AEBP2: variants seen among roughly 807,000 people sequenced by gnomAD.
AEBP2 encodes the protein zinc finger protein AEBP2.
In AEBP2, 10 loss-of-function variants were observed where a neutral mutation model predicts 50.8. That is an observed-to-expected ratio of 0.20 (90% CI 0.12 to 0.33). The LOEUF (loss-of-function observed/expected upper bound fraction) is 0.33, where lower values mean the gene tolerates loss of function less well. AEBP2 is among the 10% of genes least tolerant of loss of function. The pLI, the probability that AEBP2 is intolerant of heterozygous loss-of-function variation, is 1.00. For synonymous variants in AEBP2, 296 were observed against 261.3 expected, an observed-to-expected ratio of 1.13 and a Z score of -1.28; for missense variants, 570 against 688.0, an observed-to-expected ratio of 0.83 and a Z score of 1.92.
At chr12:19,433,947 A>AGCC (rs1168933033) in intron 1 of AEBP2, among the ~76,000 whole-genome samples, 1 of 151,924 alleles carries the variant, frequency 6.6e-6, no homozygotes, top group Non-Finnish European at 1.5e-5. Flanking sequence ...CCTGGGTTCA[A>AGCC]GTGATTCCTC....
At chr12:19,489,068 C>T (rs909978418) in intron 3 of AEBP2, among the ~76,000 whole-genome samples, 3 of 152,146 alleles carry the variant, frequency 2.0e-5, no homozygotes, top group African/African-American at 2.4e-5. Flanking sequence ...GGATTACAGG[C>T]GTGAGCCACC....
At chr12:19,461,352 A>G (rs1002169453) in intron 1 of AEBP2, among the ~76,000 whole-genome samples, 2 of 152,198 alleles carry the variant, frequency 1.3e-5, no homozygotes, top group African/African-American at 2.4e-5. Flanking sequence ...AGTGTGATAC[A>G]TTTTATTAAG....
intron 1 of AEBP2, among the ~76,000 whole-genome samples, chr12:19,430,699 T>C (rs2095750976): frequency 6.6e-6 from 1 of 152,154 alleles, no homozygotes; most frequent in South Asian, 2.1e-4. Flanking sequence ...TCACATCCCT[T>C]GTAAGTTGGA....
chr12:19,445,605 A>G (rs1409390196), intron 1 of AEBP2, among the ~76,000 whole-genome samples: 2 of 152,220 alleles, frequency 1.3e-5, no homozygotes, highest in Non-Finnish European at 2.9e-5. Flanking sequence ...CACTGCACAA[A>G]TGAATTGATA....
chr12:19,450,699 T>C (rs1165415656), intron 1 of AEBP2, among the ~76,000 whole-genome samples: 2 of 145,772 alleles, frequency 1.4e-5, no homozygotes, highest in Non-Finnish European at 3.0e-5. Flanking sequence ...AAAAGACAGA[T>C]GTAGTGGTGG....
chr12:19,491,902 A>T (rs867736329), intron 3 of AEBP2, among the ~76,000 whole-genome samples: 1 of 152,230 alleles, frequency 6.6e-6, no homozygotes, highest in Non-Finnish European at 1.5e-5. Context: ...AGGGAGAATT[A>T]GCTCTTGTCC....
rs1486050468 is a variant in AEBP2 at position 19,470,167 on chromosome 12, T to TC, written c.880-3081_880-3080insC. On this transcript the variant is annotated intron_variant, in intron 2 of 7. Transcript: ENST00000266508. ...TTTTTGTGGATCTTTCTTTTTTCTT[T>TC]TTTTTTTTTAAGACGGAGTTTTGCT... Among the ~76,000 whole-genome samples, 3 of 151,792 alleles carry TC rather than the reference T, an allele frequency of 2.0e-5. No individual in the cohort carries two copies. The East Asian group carries it at 5.8e-4, about 29-fold the overall frequency.
At chr12:19,517,127 G>A (rs1158995717) in intron 7 of AEBP2, among the ~76,000 whole-genome samples, 1 of 152,178 alleles carries the variant, frequency 6.6e-6, no homozygotes, top group Non-Finnish European at 1.5e-5. Context: ...GTGGCATAGA[G>A]TCATAGAAGC....
chr12:19,477,960 A>G (rs961934788), intron 3 of AEBP2, among the ~76,000 whole-genome samples: 7 of 152,018 alleles, frequency 4.6e-5, no homozygotes, highest in South Asian at 2.1e-4. Flanking sequence ...TACATTTTCT[A>G]CTTCGTGCAT....
Position 19,439,840 on chromosome 12 carries a change from GGAGGCGGAGGCC to G in AEBP2, c.149_160del (p.Glu50_Ala53del). On this transcript the variant is annotated inframe_deletion, in exon 1 of 8. Transcript: ENST00000266508. ...AGGAGGAAGAGGAGGAGGAGGAAGAGGAGGCGGAGGCCGAGGCGGTGGCGGCGCTGCTGCTGA... is the reference window on the plus strand; with the variant it reads ...AGGAGGAAGAGGAGGAGGAGGAAGAGGAGGCGGTGGCGGCGCTGCTGCTGA... 1 of 1,497,186 alleles carries G rather than the reference GGAGGCGGAGGCC, an allele frequency of 6.7e-7. No homozygotes were observed. The highest frequency in any genetic ancestry group is 1.5e-5 in the African/African-American group (1 of 68,722). 92.7% of individuals were successfully genotyped at this position (1,497,186 alleles called of 1,614,324 possible).
rs186471513 is a variant in AEBP2 at position 19,520,655 on chromosome 12, C to T, written c.*2538C>T. The T allele has an allele frequency of 4.6e-5, 7 of 152,252 alleles. No individual in the cohort carries two copies. Among genetic ancestry groups the T allele is most frequent in the Non-Finnish European group, 1.0e-4 (7 of 68,012 alleles). The allele number at this position is 152,252 out of a possible 1,614,324, so 9.4% of individuals were successfully genotyped here. On this transcript the variant is annotated 3_prime_UTR_variant, in exon 8 of 8. Coordinates refer to ENST00000266508, the MANE Select transcript of AEBP2 (RefSeq NM_153207.5). The stretch of plus-strand genomic sequence containing the variant: ...TGTTGTCCAGAATTTATGTATTGTT[C>T]AGCATCAAGCAAACTACAGCTCACA...
intron 4 of AEBP2, 107 bp downstream of exon 4, chr12:19,494,093 A>C: frequency 8.1e-7 from 1 of 1,239,692 alleles, no homozygotes; most frequent in East Asian, 2.6e-5. Context: ...ATTAAAAGTA[A>C]CAAACAGGTA....
intron 2 of AEBP2, 78 bp downstream of exon 2, chr12:19,462,795 T>G: frequency 7.6e-7 from 1 of 1,318,474 alleles, no homozygotes; most frequent in East Asian, 2.5e-5. Flanking sequence ...TAGGCTTTTT[T>G]GCTGAAAGTA....
intron 5 of AEBP2, among the ~76,000 whole-genome samples, chr12:19,508,410 G>T (rs762385819): frequency 3.3e-5 from 5 of 152,036 alleles, no homozygotes; most frequent in Non-Finnish European, 7.4e-5. Context: ...TTTGCTTAAA[G>T]CTCTGCTTTT....
chr12:19,510,437 A>G (rs1030732158), intron 5 of AEBP2, among the ~76,000 whole-genome samples: 2 of 152,216 alleles, frequency 1.3e-5, no homozygotes, highest in East Asian at 1.9e-4. Flanking sequence ...GACACGGCAT[A>G]TGCCAGGCAG....
chr12:19,516,023 T>A (rs566448901), intron 7 of AEBP2, among the ~76,000 whole-genome samples: 1 of 152,286 alleles, frequency 6.6e-6, no homozygotes, highest in Non-Finnish European at 1.5e-5. Flanking sequence ...AGTTCGAGGC[T>A]GCAGTGAGCC....
rs1341795503 is a variant in AEBP2 at position 19,512,527 on chromosome 12, A to ATTTAT, written c.1367+62_1367+63insTTTAT. The ATTTAT allele has an allele frequency of 2.2e-4, 224 of 1,030,330 alleles. 1 individual carries two copies. The African/African-American group carries it at 3.3e-3, about 15-fold the overall frequency. The allele number at this position is 1,030,330 out of a possible 1,614,324, so 63.8% of individuals were successfully genotyped here. ...CATGTTTTATTTTTGTTAAAATCTTACACACAAAAATTATTTATTAAATTC... is the reference window on the plus strand; with the variant it reads ...CATGTTTTATTTTTGTTAAAATCTTATTTATCACACAAAAATTATTTATTAAATTC... On this transcript the variant is annotated intron_variant, in intron 6 of 7. Coordinates refer to ENST00000266508, the MANE Select transcript of AEBP2 (RefSeq NM_153207.5).
At chr12:19,423,574 G>A (rs1281057452) in intron 1 of AEBP2, among the ~76,000 whole-genome samples, 1 of 152,156 alleles carries the variant, frequency 6.6e-6, no homozygotes, top group African/African-American at 2.4e-5. Context: ...AAGGTCGCAG[G>A]GGCAGGCATG....
chr12:19,474,438 A>G (rs1409414037), intron 3 of AEBP2, among the ~76,000 whole-genome samples: 1 of 152,200 alleles, frequency 6.6e-6, no homozygotes, highest in Non-Finnish European at 1.5e-5. Flanking sequence ...TTAAAACATT[A>G]TAGCAAAGGT....
Sources: allele counts gnomAD v4.1 joint callset (sites outside exome capture counted in the v4.1 genomes callset), GRCh38; gene constraint gnomAD v4.1.1; transcripts MANE v1.5; gene names NCBI Gene and HGNC (gene_info 2026-07-23, HGNC 2026-07-21).